Variants in SNX13 observed in about 807,000 individuals in gnomAD.
SNX13 encodes the protein sorting nexin 13.
In SNX13, 45 loss-of-function variants were observed where a neutral mutation model predicts 133.6. The observed-to-expected ratio is 0.34, with a 90% confidence interval of 0.27 to 0.43. The LOEUF (loss-of-function observed/expected upper bound fraction) is 0.43, where lower values mean the gene tolerates loss of function less well. Among genes scored for constraint, SNX13 ranks in the 20% least tolerant of loss-of-function variants. SNX13 has a pLI of 1.00. For missense variants in SNX13, 1,032 were observed against 1,145.1 expected (o/e 0.90, Z 1.43); for synonymous variants, 414 against 373.9 (o/e 1.11, Z -1.24).
chr7:17,797,298 T>C (rs544326297), intron 24 of SNX13, among the ~76,000 whole-genome samples: 3 of 151,952 alleles, frequency 2.0e-5, no homozygotes, highest in African/African-American at 7.2e-5. Context: ...CTACAATATC[T>C]TGAATCTCAA....
chr7:17,835,640 A>T (rs1789048634), intron 13 of SNX13, among the ~76,000 whole-genome samples: 1 of 152,034 alleles, frequency 6.6e-6, no homozygotes, highest in Non-Finnish European at 1.5e-5. Context: ...TGAGTCCTAG[A>T]GATAACATTT....
At chr7:17,831,870 C>T (rs1452176455) in intron 15 of SNX13, 1 of 984,176 alleles carries the variant, frequency 1.0e-6, no homozygotes, top group East Asian at 1.1e-4. Context: ...GAAAGGTAAA[C>T]CAGTGGCCTA....
intron 1 of SNX13, among the ~76,000 whole-genome samples, chr7:17,915,059 G>C (rs1305952320): frequency 6.6e-6 from 1 of 152,124 alleles, no homozygotes; most frequent in Non-Finnish European, 1.5e-5. Flanking sequence ...AAAAAAGATA[G>C]AGGGATTGCT....
intron 13 of SNX13, among the ~76,000 whole-genome samples, chr7:17,838,981 A>C (rs573867384): frequency 6.7e-6 from 1 of 150,242 alleles, no homozygotes; most frequent in East Asian, 1.9e-4. Context: ...TATTATATAT[A>C]TAACAATATA....
At chr7:17,800,907 C>T (rs1205869252) in intron 22 of SNX13, among the ~76,000 whole-genome samples, 1 of 150,508 alleles carries the variant, frequency 6.6e-6, no homozygotes, top group Non-Finnish European at 1.5e-5. Flanking sequence ...ATACTGAGTA[C>T]TGGCAGGATG....
intron 1 of SNX13, among the ~76,000 whole-genome samples, chr7:17,915,071 T>C (rs1473434687): frequency 6.6e-6 from 1 of 152,198 alleles, no homozygotes; most frequent in Non-Finnish European, 1.5e-5. Flanking sequence ...GGGATTGCTA[T>C]TCTTGTATCA....
chr7:17,910,431 T>C (rs1013381476), intron 1 of SNX13, among the ~76,000 whole-genome samples: 1 of 152,136 alleles, frequency 6.6e-6, no homozygotes, highest in African/African-American at 2.4e-5. Flanking sequence ...GATCTCAGCA[T>C]GATGGAGGAC....
intron 5 of SNX13, 122 bp downstream of exon 5, chr7:17,890,241 G>T: frequency 1.1e-6 from 1 of 871,218 alleles, no homozygotes; most frequent in Non-Finnish European, 1.6e-6. Context: ...TTATCCCACA[G>T]TAATAATCTG....
At chr7:17,799,250 G>T in intron 22 of SNX13, 96 bp from the exon 23 acceptor site, 2 of 1,039,148 alleles carry the variant, frequency 1.9e-6, no homozygotes. Context: ...TATTTCACAA[G>T]TCAGAGAACA....
rs1482364172 is a variant in SNX13, at chr7:17,940,464, C to A, written c.-169G>T. 1.1e-5 allele frequency: 8 copies of A among 749,710 alleles called. No homozygotes were observed. The highest frequency in any genetic ancestry group is 4.4e-5 in the South Asian group (3 of 68,352). The allele number at this position is 749,710 out of a possible 1,614,324, so 46.4% of individuals were successfully genotyped here. A position where few individuals can be genotyped will look rare whatever the true frequency, so the allele number is the denominator to read the frequency against. On this transcript the variant is annotated 5_prime_UTR_variant, in exon 1 of 26. Coordinates refer to ENST00000428135, the MANE Select transcript of SNX13 (RefSeq NM_015132.5). ...CTGGCCTCCCCTCGGCCCGGTCGCTCGCGACGGACGCGCCGCCATCTTGGA... is the reference window on the plus strand; with the variant it reads ...CTGGCCTCCCCTCGGCCCGGTCGCTAGCGACGGACGCGCCGCCATCTTGGA...
At chr7:17,852,328 G>C (rs781418008) in intron 9 of SNX13, among the ~76,000 whole-genome samples, 1 of 152,058 alleles carries the variant, frequency 6.6e-6, no homozygotes, top group African/African-American at 2.4e-5. Context: ...AGCTGAGATC[G>C]TGCCACTGTA....
intron 21 of SNX13, among the ~76,000 whole-genome samples, chr7:17,802,957 G>A (rs990819105): frequency 6.6e-6 from 1 of 152,040 alleles, no homozygotes; most frequent in African/African-American, 2.4e-5. Flanking sequence ...TATGAGCCCA[G>A]AGATTGATGG....
intron 18 of SNX13, among the ~76,000 whole-genome samples, chr7:17,820,489 C>T (rs538439698): frequency 6.6e-6 from 1 of 151,966 alleles, no homozygotes; most frequent in Non-Finnish European, 1.5e-5. Flanking sequence ...ATGCGCATGT[C>T]CAAAGTTATT....
intron 22 of SNX13, among the ~76,000 whole-genome samples, chr7:17,800,601 C>T (rs1361618671): frequency 6.6e-6 from 1 of 151,614 alleles, no homozygotes; most frequent in African/African-American, 2.4e-5. Context: ...GCACAGATAA[C>T]ATATATAGCA....
chr7:17,902,242 GTT>G (rs71010277), intron 1 of SNX13, among the ~76,000 whole-genome samples: 17,160 of 120,336 alleles, frequency 0.14, 1,252 homozygotes, highest in African/African-American at 0.24. Context: ...TACTGTCATG[GTT>G]TTTTTTTTTT....
intron 1 of SNX13, among the ~76,000 whole-genome samples, chr7:17,918,865 A>G (rs1434100016): frequency 2.0e-5 from 3 of 152,344 alleles, no homozygotes; most frequent in South Asian, 2.1e-4. Flanking sequence ...ATGCCCATCA[A>G]TGGTGGACTG....
At position 17,871,098 on chromosome 7, in the gene SNX13, C is replaced by T. The variant is rs568294310; in HGVS notation, c.753+2430G>A. Among the ~76,000 whole-genome samples the T allele has an allele frequency of 2.8e-4, 43 of 151,970 alleles. 1 individual carries two copies. The East Asian group carries it at 7.2e-3, about 25-fold the overall frequency. ...TCAGCTCACTGCAAGCTCCGCCTCC[C>T]GGGTTCATGCCATTCTCCTGCCTCA... On this transcript the variant is annotated intron_variant, in intron 8 of 25. Coordinates refer to ENST00000428135, the MANE Select transcript of SNX13 (RefSeq NM_015132.5).
chr7:17,890,484 C>T lies in SNX13; in HGVS notation c.319G>A (p.Val107Ile). ...ANIIDEPLQQ[V>I]IQFSLRDYVQ... ...TAATCCCTCAAGGAAAACTGGATAACCTATAACAAAAATATTGGAAAAAAA... is the reference window on the plus strand; with the variant it reads ...TAATCCCTCAAGGAAAACTGGATAATCTATAACAAAAATATTGGAAAAAAA... Residue 107 changes from valine to isoleucine, a missense_variant and splice_region_variant, in exon 5 of 26, where the codon GTT becomes ATT. Physicochemically the swap from Val to Ile is conservative, Grantham distance 29 (BLOSUM62 3). Transcript: ENST00000428135. 1 of 1,549,858 alleles carries T rather than the reference C, an allele frequency of 6.5e-7. No individual in the cohort carries two copies. Among genetic ancestry groups the T allele is most frequent in the Non-Finnish European group, 8.7e-7 (1 of 1,149,610 alleles).
chr7:17,820,453 G>A (rs901765048), intron 18 of SNX13, among the ~76,000 whole-genome samples: 4 of 152,074 alleles, frequency 2.6e-5, no homozygotes, highest in Non-Finnish European at 5.9e-5. Flanking sequence ...TAAACATGAA[G>A]AAAGGTTATA....
Sources: gnomAD v4.1 joint callset for allele counts (sites outside exome capture counted in the v4.1 genomes callset) on GRCh38, gnomAD v4.1.1 for gene constraint, MANE v1.5 for transcripts, NCBI Gene and HGNC (gene_info 2026-07-23, HGNC 2026-07-21) for gene names.